The following PAX2 variants were observed in gnomAD, a reference collection of about 807,000 sequenced individuals.
PAX2 encodes the protein paired box protein Pax-2.
PAX2 carries 9 observed loss-of-function variants against 41.7 expected under a neutral mutation model. The ratio of observed to expected loss-of-function variants is 0.22; its 90% CI spans 0.13 to 0.38. The LOEUF (loss-of-function observed/expected upper bound fraction) is 0.38. Among genes scored for constraint, PAX2 ranks in the 10% least tolerant of loss-of-function variants. The pLI, the probability that PAX2 is intolerant of heterozygous loss-of-function variation, is 1.00. For synonymous variants in PAX2, 221 were observed against 212.7 expected, an observed-to-expected ratio of 1.04 and a Z score of -0.34; for missense variants, 418 against 531.6, an observed-to-expected ratio of 0.79 and a Z score of 2.10.
chr10:100,737,613 T>G (rs973854373), intron 1 of PAX2, among the ~76,000 whole-genome samples: 6 of 152,198 alleles, frequency 3.9e-5, no homozygotes, highest in African/African-American at 1.2e-4. Flanking sequence ...TCGAGGCGGC[T>G]CCGCAGAGCA....
In PAX2 at chr10:100,805,023, T is replaced by C. The variant is rs1442768834; in HGVS notation, c.617-1407T>C. On this transcript the variant is annotated intron_variant, in intron 5 of 9. Coordinates refer to ENST00000355243, the MANE Select transcript of PAX2 (RefSeq NM_000278.5). ...CTTCTCTCTCTCTCTCTCTCTCACA[T>C]ACACACACACACACACACACACACA... Among the ~76,000 whole-genome samples, 87 of 95,010 alleles carry C rather than the reference T, an allele frequency of 9.2e-4. 1 individual carries two copies. The highest frequency in any genetic ancestry group is 5.3e-3 in the Middle Eastern group (1 of 190). 62.3% of individuals were successfully genotyped at this position (95,010 alleles called of 152,430 possible).
At chr10:100,806,193 G>A (rs895212178) in intron 5 of PAX2, among the ~76,000 whole-genome samples, 1 of 152,146 alleles carries the variant, frequency 6.6e-6, no homozygotes, top group South Asian at 2.1e-4. Flanking sequence ...CAGTGTGACC[G>A]CTCCATCTCT....
rs766042031 is a variant in PAX2 at position 100,824,748 on chromosome 10, T to C, written c.1020T>C (p.Pro340=). Residue 340 remains proline (P), a splice_region_variant and synonymous_variant, in exon 8 of 10, where the codon CCT becomes CCC. Transcript: ENST00000355243. This position sits in a 1 kb window ranked among gnomAD's most constrained non-coding sequence, Gnocchi z 6.6. ...YPTSTLAGMV[P]GSEFSGNPYS... The stretch of plus-strand genomic sequence containing the variant: ...CCTCCACCCTGGCAGGAATGGTGCC[T>C]GGTAGGTGACAATGCTGCAGCTGCC... 2.5e-6 allele frequency: 4 copies of C among 1,597,346 alleles called. No homozygotes were observed. The highest frequency in any genetic ancestry group is 3.4e-6 in the Non-Finnish European group (4 of 1,164,930).
intron 3 of PAX2, among the ~76,000 whole-genome samples, chr10:100,753,731 C>T (rs898611299): frequency 1.3e-5 from 2 of 152,232 alleles, no homozygotes; most frequent in African/African-American, 2.4e-5. Flanking sequence ...CAGATGCTGT[C>T]GCCACACTTG....
intron 5 of PAX2, among the ~76,000 whole-genome samples, chr10:100,795,287 A>G (rs2133927466): frequency 6.6e-6 from 1 of 152,342 alleles, no homozygotes; most frequent in East Asian, 1.9e-4. Flanking sequence ...CTGATTTACA[A>G]AGGTAAATAG....
intron 3 of PAX2, among the ~76,000 whole-genome samples, chr10:100,752,346 C>A (rs886247521): frequency 1.3e-5 from 2 of 152,178 alleles, no homozygotes; most frequent in African/African-American, 4.8e-5. Flanking sequence ...TGGAGAAAGA[C>A]GCTGGGTGGT....
intron 6 of PAX2, 105 bp from the exon 7 acceptor site, chr10:100,809,005 A>ACCCTGTTCCTCCT: frequency 9.5e-7 from 1 of 1,050,802 alleles, no homozygotes. Flanking sequence ...ATCTCTTTCT[A>ACCCTGTTCCTCCT]CCCCATCTGG....
rs753416595 is a variant in PAX2 at position 100,827,589 on chromosome 10, C to T, written c.1155C>T (p.Ala385=). ...CCGCCCCCCGGGGCTCCGCCCCTGC[C>T]GCTGCTGCCGCTGCCTATGACCGCC... ...YSAAPRGSAP[A]AAAAAYDRH is the part of the protein sequence containing the mutation. The change falls in exon 10 of 10, where the codon GCC becomes GCT. Residue 385 remains alanine, a synonymous_variant. Transcript: ENST00000355243. This position sits in a 1 kb window ranked among gnomAD's most constrained non-coding sequence, Gnocchi z 8.5. 1.2e-6 allele frequency: 2 copies of T among 1,613,630 alleles called. No individual in the cohort carries two copies. The highest frequency in any genetic ancestry group is 1.3e-5 in the African/African-American group (1 of 74,922).
Position 100,824,653 on chromosome 10 carries a change from G to C in PAX2, c.925G>C (p.Asp309His). ...TCCCCTTTGTGTTTTTCCAGGTCGT[G>C]ACATGGCGAGCACCACTCTGCCTGG... ...TQTYPVVTGRDMASTTLPGYP... is the reference protein window; with the variant it reads ...TQTYPVVTGRHMASTTLPGYP... Residue 309 changes from aspartate to histidine, a missense_variant, in exon 8 of 10, where the codon GAC (aspartate) becomes CAC (histidine). Asp to His is a moderately conservative substitution (Grantham distance 81). Coordinates refer to ENST00000355243, the MANE Select transcript of PAX2 (RefSeq NM_000278.5). The surrounding 1 kb of genome is among the most constrained non-coding windows in gnomAD (Gnocchi z 6.6). 15 of 1,607,516 alleles carry C rather than the reference G, an allele frequency of 9.3e-6. No homozygotes were observed. The highest frequency in any genetic ancestry group is 1.3e-5 in the Non-Finnish European group (15 of 1,174,018).
chr10:100,776,159 G>A (rs571729206), intron 3 of PAX2, among the ~76,000 whole-genome samples: 25 of 152,228 alleles, frequency 1.6e-4, no homozygotes, highest in African/African-American at 5.8e-4. Context: ...TTAGCTGCCC[G>A]TTCCATCCTC....
At chr10:100,811,452 G>A (rs1564740302) in intron 7 of PAX2, among the ~76,000 whole-genome samples, 1 of 152,250 alleles carries the variant, frequency 6.6e-6, no homozygotes, top group Non-Finnish European at 1.5e-5. Context: ...TCAGCAGTGG[G>A]TCCAGCATGT....
upstream of PAX2, among the ~76,000 whole-genome samples, chr10:100,741,689 A>C (rs1025737898): frequency 1.3e-5 from 2 of 152,112 alleles, no homozygotes; most frequent in African/African-American, 2.4e-5. Flanking sequence ...TTTGGTGGTG[A>C]CTTCTAAAAG....
intron 5 of PAX2, among the ~76,000 whole-genome samples, chr10:100,800,053 TG>T (rs1337196117): frequency 1.3e-5 from 2 of 152,042 alleles, no homozygotes; most frequent in African/African-American, 2.4e-5. Context: ...CCCAAGGTGC[TG>T]GGATTATAGG....
Position 100,748,362 on chromosome 10 carries a change from AG to A in PAX2, c.44-1383del, listed in dbSNP as rs1302115833. ...GCAAGGGGGTAAAAGAAGGGGCTTC[AG>A]TCTCTCCCAGCAACGCGATCAGAGG... On this transcript the variant is annotated intron_variant, in intron 1 of 9. Coordinates refer to ENST00000355243, the MANE Select transcript of PAX2 (RefSeq NM_000278.5). The surrounding 1 kb of genome is among the most constrained non-coding windows in gnomAD (Gnocchi z 5.0). 10 of 984,314 alleles carry A rather than the reference AG, an allele frequency of 1.0e-5. No homozygotes were observed. In the East Asian group the frequency reaches 1.1e-3, roughly 112 times the overall value. 61.0% of individuals were successfully genotyped at this position (984,314 alleles called of 1,614,324 possible). A position where few individuals can be genotyped will look rare whatever the true frequency, so the allele number is the denominator to read the frequency against.
At chr10:100,769,298 T>G (rs957524829) in intron 3 of PAX2, among the ~76,000 whole-genome samples, 12 of 152,146 alleles carry the variant, frequency 7.9e-5, no homozygotes, top group African/African-American at 2.9e-4. Flanking sequence ...ACATAGTAAG[T>G]GTATATTGGC....
intron 1 of PAX2, 160 bp from the exon 2 acceptor site, chr10:100,749,586 C>T: frequency 7.0e-7 from 1 of 1,428,400 alleles, no homozygotes; most frequent in South Asian, 1.6e-5. Context: ...GTCCCCACTC[C>T]TCCGCGTGGT....
chr10:100,736,785 G>T (rs1285939433), intron 1 of PAX2, among the ~76,000 whole-genome samples: 1 of 152,156 alleles, frequency 6.6e-6, no homozygotes, highest in Non-Finnish European at 1.5e-5. Flanking sequence ...AGGGCTCTGG[G>T]CAGACCCTCT....
At chr10:100,792,326 A>G (rs974976442) in intron 5 of PAX2, among the ~76,000 whole-genome samples, 2 of 152,216 alleles carry the variant, frequency 1.3e-5, no homozygotes, top group Non-Finnish European at 1.5e-5. Context: ...TTGACTTTAG[A>G]TGAAAGGGGA....
At chr10:100,751,590 A>G (rs1310142216) in intron 3 of PAX2, among the ~76,000 whole-genome samples, 2 of 152,196 alleles carry the variant, frequency 1.3e-5, no homozygotes, top group African/African-American at 4.8e-5. Context: ...CACTGATGAC[A>G]GGCTCACACA....
Sources: allele counts gnomAD v4.1 joint callset (sites outside exome capture counted in the v4.1 genomes callset), GRCh38; gene constraint gnomAD v4.1.1; non-coding constraint Gnocchi (gnomAD v3.1); transcripts MANE v1.5; gene names NCBI Gene and HGNC (gene_info 2026-07-23, HGNC 2026-07-21).